Variants in POLD3 observed in about 807,000 individuals in gnomAD.
POLD3 encodes the protein DNA polymerase delta 3, accessory subunit.
POLD3 carries 19 observed loss-of-function variants against 58.2 expected under a neutral mutation model. The ratio of observed to expected loss-of-function variants is 0.33; its 90% confidence interval spans 0.23 to 0.48. The LOEUF is 0.48. POLD3 is among the 20% of genes least tolerant of loss of function. The pLI is 0.99. For synonymous variants in POLD3, 172 were observed against 193.5 expected (o/e 0.89, Z 0.92); for missense variants, 504 against 545.5 (o/e 0.92, Z 0.76).
intron 5 of POLD3, among the ~76,000 whole-genome samples, chr11:74,613,834 T>A (rs745860402): frequency 1.1e-4 from 17 of 151,992 alleles, no homozygotes; most frequent in Non-Finnish European, 2.2e-4. Flanking sequence ...AGTGTAAGAG[T>A]ACTGTAATAG....
At chr11:74,637,273 C>T (rs1466881386) in intron 11 of POLD3, among the ~76,000 whole-genome samples, 4 of 152,094 alleles carry the variant, frequency 2.6e-5, no homozygotes, top group African/African-American at 9.7e-5. Context: ...CCCACTATTC[C>T]CCACCTCCCA....
intron 7 of POLD3, among the ~76,000 whole-genome samples, chr11:74,623,429 T>G (rs779527003): frequency 6.6e-6 from 1 of 151,982 alleles, no homozygotes; most frequent in Non-Finnish European, 1.5e-5. Flanking sequence ...AGAAAGACTC[T>G]GTCTCAAAAA....
Position 74,625,581 on chromosome 11 carries a change from A to G in POLD3, c.899+8A>G. On this transcript the variant is annotated splice_region_variant and intron_variant, in intron 8 of 11. Transcript: ENST00000263681. ...GCAGAAGGAAAAAAAAAGGTAGGAAAATTTTGTTGCTTATTGGGGAAGAGT... is the reference window on the plus strand; with the variant it reads ...GCAGAAGGAAAAAAAAAGGTAGGAAGATTTTGTTGCTTATTGGGGAAGAGT... 1 of 1,600,670 alleles carries G rather than the reference A, an allele frequency of 6.2e-7. No individual in the cohort carries two copies. The highest frequency in any genetic ancestry group is 8.5e-7 in the Non-Finnish European group (1 of 1,175,768).
chr11:74,604,407 A>G (rs1203439048), intron 2 of POLD3, among the ~76,000 whole-genome samples: 2 of 152,172 alleles, frequency 1.3e-5, no homozygotes, highest in East Asian at 3.8e-4. Flanking sequence ...TATCATTGCC[A>G]CTGTTTTAAT....
chr11:74,617,900 G>A (rs1302418384), intron 5 of POLD3, among the ~76,000 whole-genome samples: 1 of 151,966 alleles, frequency 6.6e-6, no homozygotes, highest in Non-Finnish European at 1.5e-5. Flanking sequence ...TGTATTTTTT[G>A]TAGAGACAAG....
chr11:74,632,986 C>T (rs2032640294), intron 9 of POLD3, among the ~76,000 whole-genome samples: 1 of 150,684 alleles, frequency 6.6e-6, no homozygotes, highest in Non-Finnish European at 1.5e-5. Flanking sequence ...CTTTTTGGAG[C>T]TTAGAGTCTA....
rs943128163 is a variant in POLD3 at position 74,650,164 on chromosome 11, T to C, written c.369+13889T>C. ...AGAGTAATGCTTTGGACTTTAATCTTACCTGTGTGAGAAAAATGAGTTGTC... is the reference window on the plus strand; with the variant it reads ...AGAGTAATGCTTTGGACTTTAATCTCACCTGTGTGAGAAAAATGAGTTGTC... On this transcript the variant is annotated intron_variant, in intron 4 of 4. Transcript: ENST00000524752. 2.6e-5 allele frequency among the ~76,000 whole-genome samples: 4 copies of C among 152,232 alleles called. No homozygotes were observed. In the South Asian group the frequency reaches 6.2e-4, roughly 24 times the overall value.
exon 5 of POLD3, chr11:74,669,010 G>C (rs971345181): frequency 2.9e-6 from 1 of 341,552 alleles, no homozygotes; most frequent in Admixed American, 4.2e-5. Flanking sequence ...TTTAGAAGAG[G>C]GTTTCTGAGA....
chr11:74,595,942 T>C (rs1171023480), intron 2 of POLD3, among the ~76,000 whole-genome samples: 4 of 152,080 alleles, frequency 2.6e-5, no homozygotes, highest in Non-Finnish European at 5.9e-5. Context: ...TTTTTATTGC[T>C]GATGAAGTCC....
chr11:74,632,710 C>T (rs1046949125), intron 9 of POLD3, among the ~76,000 whole-genome samples: 1 of 152,124 alleles, frequency 6.6e-6, no homozygotes, highest in African/African-American at 2.4e-5. Flanking sequence ...CTACTATTCT[C>T]TTCCCTGTTT....
intron 5 of POLD3, among the ~76,000 whole-genome samples, chr11:74,616,346 G>A (rs761852531): frequency 3.3e-5 from 5 of 152,178 alleles, no homozygotes; most frequent in Admixed American, 6.5e-5. Flanking sequence ...TTATGATTTC[G>A]TGTGTTTTAA....
chr11:74,668,300 A>G (rs1390091366), intron 4 of POLD3, among the ~76,000 whole-genome samples: 1 of 152,238 alleles, frequency 6.6e-6, no homozygotes, highest in African/African-American at 2.4e-5. Context: ...TCGTTCTGAT[A>G]GCCAAAAAAA....
chr11:74,630,827 G>A lies in POLD3; in HGVS notation c.1006+1504G>A, dbSNP rs557009846. On this transcript the variant is annotated intron_variant, in intron 9 of 11. Transcript: ENST00000263681. ...AGGAGTCAGTTCTAAGTTAAGGAAT[G>A]ACTATGGTTGGTTGAGCACTCATTA... 1.6e-4 allele frequency among the ~76,000 whole-genome samples: 25 copies of A among 152,322 alleles called. 1 individual carries two copies. In the South Asian group the frequency reaches 4.6e-3, roughly 28 times the overall value.
chr11:74,608,611 T>G (rs1338841056), intron 3 of POLD3, among the ~76,000 whole-genome samples: 1 of 152,232 alleles, frequency 6.6e-6, no homozygotes, highest in East Asian at 1.9e-4. Flanking sequence ...TGCATTGTTT[T>G]AGCACCAGCT....
chr11:74,652,177 T>TGA, intron 4 of POLD3, among the ~76,000 whole-genome samples: 1 of 152,370 alleles, frequency 6.6e-6, no homozygotes, highest in Non-Finnish European at 1.5e-5. Context: ...ATAACAGCTC[T>TGA]CATCTGCAAA....
intron 10 of POLD3, among the ~76,000 whole-genome samples, chr11:74,635,077 G>A (rs1041253991): frequency 1.3e-5 from 2 of 152,178 alleles, no homozygotes; most frequent in Non-Finnish European, 2.9e-5. Flanking sequence ...TTGCTCTTCA[G>A]AAGCAATTCT....
At chr11:74,651,202 ATAGTAGGC>A (rs560701332) in intron 4 of POLD3, among the ~76,000 whole-genome samples, 84 of 152,364 alleles carry the variant, frequency 5.5e-4, no homozygotes, top group African/African-American at 1.9e-3. Context: ...TGCCTAGAAC[ATAGTAGGC>A]TCTTAGAAAA....
At chr11:74,609,374 T>TATATATATGTATA (rs1554974741) in intron 3 of POLD3, among the ~76,000 whole-genome samples, 3 of 15,652 alleles carry the variant, frequency 1.9e-4, no homozygotes, top group African/African-American at 3.8e-4. Flanking sequence ...ATATATATAT[T>TATATATATGTATA]TTTTTTTTTT....
Position 74,594,125 on chromosome 11 carries a change from A to G in POLD3, c.116+9A>G. 1 of 1,529,872 alleles carries G rather than the reference A, an allele frequency of 6.5e-7. No individual in the cohort carries two copies. Among genetic ancestry groups the G allele is most frequent in the South Asian group, 1.1e-5 (1 of 89,270 alleles). 94.8% of individuals were successfully genotyped at this position (1,529,872 alleles called of 1,614,324 possible). A position where few individuals can be genotyped will look rare whatever the true frequency, so the allele number is the denominator to read the frequency against. Reference sequence around the variant, plus strand: ...GTTAACCAGGCCAAACAGTAAGTCCAATTTACTACCAATTTTAATCATATT... The same window carrying G: ...GTTAACCAGGCCAAACAGTAAGTCCGATTTACTACCAATTTTAATCATATT... On this transcript the variant is annotated intron_variant, in intron 2 of 11. Transcript: ENST00000263681.
Sources: gnomAD v4.1 joint callset for allele counts (sites outside exome capture counted in the v4.1 genomes callset) on GRCh38, gnomAD v4.1.1 for gene constraint, MANE v1.5 for transcripts, NCBI Gene and HGNC (gene_info 2026-07-23, HGNC 2026-07-21) for gene names.